Variants in MARCHF1 observed in about 807,000 individuals in gnomAD.
MARCHF1 encodes the protein E3 ubiquitin-protein ligase MARCHF1.
In MARCHF1, 40 loss-of-function variants were observed where a neutral mutation model predicts 54.2. That is an observed-to-expected ratio of 0.74 (90% CI 0.57 to 0.96). The LOEUF is 0.96. MARCHF1 is among the 40% of genes least tolerant of loss of function. The probability of loss-of-function intolerance (pLI) is 0.00; values close to 1 mark genes in which losing one functional copy is unlikely to be tolerated. For synonymous variants in MARCHF1, 236 were observed against 236.3 expected (o/e 1.00, Z 0.01); for missense variants, 586 against 656.5 (o/e 0.89, Z 1.17).
intron 3 of MARCHF1, among the ~76,000 whole-genome samples, chr4:163,860,574 A>C (rs1459387988): frequency 6.6e-6 from 1 of 152,166 alleles, no homozygotes; most frequent in African/African-American, 2.4e-5. Context: ...GCTAAGAAAA[A>C]CTTGTGAAGG....
At chr4:163,993,753 G>A (rs1753010504) in intron 2 of MARCHF1, among the ~76,000 whole-genome samples, 1 of 151,986 alleles carries the variant, frequency 6.6e-6, no homozygotes, top group African/African-American at 2.4e-5. Context: ...CTAATTTGTT[G>A]AGAGACTAAA....
chr4:163,964,146 A>T (rs1467499495), intron 3 of MARCHF1, among the ~76,000 whole-genome samples: 1 of 151,950 alleles, frequency 6.6e-6, no homozygotes, highest in Non-Finnish European at 1.5e-5. Context: ...CTTCCTCTAA[A>T]TATCTATAAC....
At chr4:163,996,717 C>G (rs1753083656) in intron 2 of MARCHF1, among the ~76,000 whole-genome samples, 1 of 151,862 alleles carries the variant, frequency 6.6e-6, no homozygotes, top group African/African-American at 2.4e-5. Context: ...GGTATTTCAC[C>G]CAGAACTCTT....
chr4:164,175,276 C>A (rs927141326), intron 1 of MARCHF1, among the ~76,000 whole-genome samples: 3 of 152,090 alleles, frequency 2.0e-5, no homozygotes, highest in Non-Finnish European at 2.9e-5. Flanking sequence ...TTGATTTATG[C>A]ATCTAAAAAG....
intron 2 of MARCHF1, among the ~76,000 whole-genome samples, chr4:164,101,485 A>T (rs1208411687): frequency 8.1e-6 from 1 of 122,986 alleles, no homozygotes; most frequent in African/African-American, 2.8e-5. Flanking sequence ...ACTGGGAGGC[A>T]CCCCCCAGCA....
chr4:164,054,085 A>C (rs1754430340), intron 2 of MARCHF1, among the ~76,000 whole-genome samples: 1 of 151,784 alleles, frequency 6.6e-6, no homozygotes, highest in South Asian at 2.1e-4. Flanking sequence ...CAAGAAAAAA[A>C]CAAACAACCC....
At chr4:163,822,286 TA>T in intron 4 of MARCHF1, among the ~76,000 whole-genome samples, 2 of 152,040 alleles carry the variant, frequency 1.3e-5, no homozygotes, top group South Asian at 4.1e-4. Flanking sequence ...GCTCTGTAAT[TA>T]TTTCTACTTT....
At chr4:164,174,550 G>A (rs944219621) in intron 1 of MARCHF1, among the ~76,000 whole-genome samples, 1 of 152,156 alleles carries the variant, frequency 6.6e-6, no homozygotes, top group Non-Finnish European at 1.5e-5. Context: ...TGGAGGAGCA[G>A]TTCAACCTGA....
At chr4:164,106,149 C>G (rs982052403) in intron 2 of MARCHF1, among the ~76,000 whole-genome samples, 1 of 148,804 alleles carries the variant, frequency 6.7e-6, no homozygotes, top group African/African-American at 2.5e-5. Context: ...GAAATAGGAA[C>G]ACTTTTACAC....
chr4:163,968,509 G>C (rs1752487068), intron 3 of MARCHF1, among the ~76,000 whole-genome samples: 1 of 152,058 alleles, frequency 6.6e-6, no homozygotes, highest in African/African-American at 2.4e-5. Flanking sequence ...ACATCTTACT[G>C]TCTTCAAATA....
chr4:163,635,203 C>G (rs1374495422), intron 5 of MARCHF1, among the ~76,000 whole-genome samples: 1 of 71,200 alleles, frequency 1.4e-5, no homozygotes, highest in Non-Finnish European at 2.2e-5. Flanking sequence ...GAAGCAAGAG[C>G]AAACACATTC....
chr4:163,838,863 A>G (rs1749262778), intron 4 of MARCHF1, among the ~76,000 whole-genome samples: 1 of 152,054 alleles, frequency 6.6e-6, no homozygotes, highest in Non-Finnish European at 1.5e-5. Context: ...CTTAGATACA[A>G]CACTAACAGC....
chr4:163,723,159 G>A (rs1745534849), intron 4 of MARCHF1, among the ~76,000 whole-genome samples: 1 of 152,172 alleles, frequency 6.6e-6, no homozygotes, highest in Admixed American at 6.6e-5. Context: ...GCACTGGCTG[G>A]TACCAGTTGT....
intron 3 of MARCHF1, among the ~76,000 whole-genome samples, chr4:163,900,731 G>T (rs1750921876): frequency 1.3e-5 from 2 of 152,148 alleles, no homozygotes; most frequent in Middle Eastern, 6.8e-3. Flanking sequence ...ATTCAGTTTG[G>T]TCTAACAGCA....
chr4:163,576,682 C>G (rs991793324), intron 8 of MARCHF1, among the ~76,000 whole-genome samples: 1 of 151,902 alleles, frequency 6.6e-6, no homozygotes, highest in Non-Finnish European at 1.5e-5. Context: ...GTGGCTAAGT[C>G]TTTTCTTAGA....
At chr4:163,896,945 T>C (rs1448359084) in intron 3 of MARCHF1, among the ~76,000 whole-genome samples, 1 of 152,202 alleles carries the variant, frequency 6.6e-6, no homozygotes, top group Admixed American at 6.5e-5. Context: ...CTGTGGCTCA[T>C]TCAGCACCAG....
rs373019374 is a variant in MARCHF1, at chr4:164,302,858, G to C, written c.-323+81012C>G. Reference sequence around the variant, plus strand: ...CACTCCAGCCTGGGTGACAGAGTGAGAGACTGTCTTAAAAAAAAAAAAAAA... The same window carrying C: ...CACTCCAGCCTGGGTGACAGAGTGACAGACTGTCTTAAAAAAAAAAAAAAA... On this transcript the variant is annotated intron_variant, in intron 1 of 9. Transcript: ENST00000514618. Among the ~76,000 whole-genome samples the C allele has an allele frequency of 3.7e-3, 465 of 124,882 alleles. 3 individuals are homozygous for C. Among genetic ancestry groups the C allele is most frequent in the African/African-American group, 0.013 (420 of 32,490 alleles). The allele number at this position is 124,882 out of a possible 152,430, so 81.9% of individuals were successfully genotyped here.
intron 2 of MARCHF1, among the ~76,000 whole-genome samples, chr4:164,008,605 T>C (rs1258256494): frequency 6.6e-6 from 1 of 151,006 alleles, no homozygotes; most frequent in African/African-American, 2.4e-5. Context: ...TCTGAACAAA[T>C]AAAAAAAAGG....
chr4:164,188,747 AC>A, intron 1 of MARCHF1: 1 of 981,478 alleles, frequency 1.0e-6, no homozygotes, highest in Non-Finnish European at 1.7e-6. Flanking sequence ...TGAAAAGAAA[AC>A]TAAACCATAC....
Sources: gnomAD v4.1 joint callset for allele counts (sites outside exome capture counted in the v4.1 genomes callset) on GRCh38, gnomAD v4.1.1 for gene constraint, MANE v1.5 for transcripts, NCBI Gene and HGNC (gene_info 2026-07-23, HGNC 2026-07-21) for gene names.